NELL2: variants seen among roughly 807,000 people sequenced by gnomAD.
NELL2 encodes protein kinase C-binding protein NELL2.
A neutral mutation model predicts 109.6 loss-of-function variants in NELL2; 41 were observed. The observed-to-expected ratio is 0.37, with a 90% CI of 0.29 to 0.49. The LOEUF is 0.49. NELL2 is among the 20% of genes least tolerant of loss of function. The pLI is 0.98. For synonymous variants in NELL2, 355 were observed against 344.7 expected, an observed-to-expected ratio of 1.03 and a Z score of -0.33; for missense variants, 900 against 1,008.3, an observed-to-expected ratio of 0.89 and a Z score of 1.45.
At chr12:44,547,784 C>A (rs138036458) in intron 15 of NELL2, among the ~76,000 whole-genome samples, 43 of 152,290 alleles carry the variant, frequency 2.8e-4, no homozygotes, top group African/African-American at 8.9e-4. Flanking sequence ...CCCTTCCCTG[C>A]ACATGAACTG....
chr12:44,754,070 G>A (rs1421671582), intron 9 of NELL2, among the ~76,000 whole-genome samples: 1 of 152,188 alleles, frequency 6.6e-6, no homozygotes, highest in African/African-American at 2.4e-5. Context: ...ATGGTATCAA[G>A]TGAAGAATTA....
At chr12:44,584,932 T>TCA (rs1472318715) in intron 15 of NELL2, among the ~76,000 whole-genome samples, 1 of 152,218 alleles carries the variant, frequency 6.6e-6, no homozygotes. Context: ...TCCATGATCA[T>TCA]CACATTGTAC....
chr12:44,766,018 G>A (rs11182656), intron 9 of NELL2, among the ~76,000 whole-genome samples: 54,612 of 151,648 alleles, frequency 0.36, 11,140 homozygotes, highest in Non-Finnish European at 0.47. Context: ...TACAGGAGGT[G>A]GAGGCTGCAG....
chr12:44,871,047 C>T (rs866915141), intron 2 of NELL2, among the ~76,000 whole-genome samples: 2 of 152,120 alleles, frequency 1.3e-5, no homozygotes, highest in African/African-American at 2.4e-5. Flanking sequence ...GTTTCTACTT[C>T]TCTAGACTTC....
In NELL2 at chr12:44,892,690, C is replaced by G. The variant is rs944966185; in HGVS notation, c.39-16790G>C. The stretch of plus-strand genomic sequence containing the variant: ...GTGGGCGCCTGTACTCCCAGCTACT[C>G]GGGAGGCTGAGGCAGGAGAATGGCG... On this transcript the variant is annotated intron_variant, in intron 1 of 20. Coordinates refer to the NELL2 transcript ENST00000333837. Among the ~76,000 whole-genome samples the G allele has an allele frequency of 2.0e-5, 3 of 147,674 alleles. No individual in the cohort carries two copies. In the South Asian group the frequency reaches 6.6e-4, roughly 32 times the overall value.
intron 13 of NELL2, among the ~76,000 whole-genome samples, chr12:44,627,858 T>A (rs1334179930): frequency 6.6e-6 from 1 of 152,238 alleles, no homozygotes; most frequent in Non-Finnish European, 1.5e-5. Context: ...CAGAATTGTA[T>A]TAGCAACCAG....
chr12:44,687,250 C>CGCGT (rs1327339967), intron 12 of NELL2, among the ~76,000 whole-genome samples: 2 of 152,178 alleles, frequency 1.3e-5, no homozygotes, highest in Admixed American at 6.5e-5. Context: ...GGCAATGCCG[C>CGCGT]GCCCTGCTTT....
At chr12:44,633,751 T>TCATATCAC (rs1244035406) in intron 13 of NELL2, among the ~76,000 whole-genome samples, 1 of 152,162 alleles carries the variant, frequency 6.6e-6, no homozygotes. Flanking sequence ...AACACATTGT[T>TCATATCAC]AAGTACTTGA....
intron 19 of NELL2, among the ~76,000 whole-genome samples, chr12:44,512,950 T>TTA (rs1941067617): frequency 6.6e-6 from 1 of 151,992 alleles, no homozygotes; most frequent in African/African-American, 2.4e-5. Context: ...TGTTCAGAAA[T>TTA]CTAGAAGAAA....
At position 44,809,482 on chromosome 12, in the gene NELL2, G is replaced by GT. The variant is rs1317983547; in HGVS notation, c.335+6503dup. 7.9e-5 allele frequency among the ~76,000 whole-genome samples: 12 copies of GT among 151,898 alleles called. 1 individual carries two copies. Among genetic ancestry groups the GT allele is most frequent in the Admixed American group, 3.3e-4 (5 of 15,236 alleles). On this transcript the variant is annotated intron_variant, in intron 3 of 19. Transcript: ENST00000429094. ...AACAACTGCCATATATTACTGTCTG[G>GT]TTTTTTTTAGGTTATGCTGCTGATG...
At chr12:44,902,642 A>T (rs1048298514) in intron 1 of NELL2, among the ~76,000 whole-genome samples, 1 of 152,214 alleles carries the variant, frequency 6.6e-6, no homozygotes, top group African/African-American at 2.4e-5. Context: ...AAGCTACCTG[A>T]CTTCAAACTA....
intron 15 of NELL2, among the ~76,000 whole-genome samples, chr12:44,583,224 A>G (rs1023003766): frequency 6.6e-6 from 1 of 152,222 alleles, no homozygotes; most frequent in African/African-American, 2.4e-5. Context: ...AATGAATGAA[A>G]GTTGACAAGG....
chr12:44,815,012 G>A (rs1165512234), intron 3 of NELL2, among the ~76,000 whole-genome samples: 1 of 152,142 alleles, frequency 6.6e-6, no homozygotes, highest in Non-Finnish European at 1.5e-5. Flanking sequence ...ATTTACAGAT[G>A]AGGAAATTGA....
intron 12 of NELL2, among the ~76,000 whole-genome samples, chr12:44,698,931 T>C (rs1949139844): frequency 1.3e-5 from 2 of 152,164 alleles, no homozygotes; most frequent in South Asian, 4.1e-4. Context: ...CCAGCAACTA[T>C]TATGCACTGA....
intron 12 of NELL2, among the ~76,000 whole-genome samples, chr12:44,680,135 C>T (rs554635362): frequency 1.3e-5 from 2 of 152,072 alleles, no homozygotes; most frequent in Non-Finnish European, 1.5e-5. Context: ...GGATTGCAGT[C>T]ATAAAATTAC....
intron 15 of NELL2, among the ~76,000 whole-genome samples, chr12:44,564,616 C>T (rs1183810107): frequency 6.6e-6 from 1 of 152,156 alleles, no homozygotes; most frequent in Admixed American, 6.5e-5. Flanking sequence ...CACATACAAA[C>T]ATGTAATGCA....
At chr12:44,864,014 G>A (rs1414689297) in intron 2 of NELL2, among the ~76,000 whole-genome samples, 1 of 152,004 alleles carries the variant, frequency 6.6e-6, no homozygotes, top group Non-Finnish European at 1.5e-5. Context: ...ACTACAAAAT[G>A]TTTTACGTAA....
chr12:44,518,704 G>T (rs1941390922), intron 19 of NELL2, among the ~76,000 whole-genome samples: 1 of 152,136 alleles, frequency 6.6e-6, no homozygotes, highest in Admixed American at 6.5e-5. Flanking sequence ...TAATCTCACA[G>T]AAAGATTAAG....
chr12:44,897,527 C>T (rs554622689), intron 1 of NELL2, among the ~76,000 whole-genome samples: 1 of 152,212 alleles, frequency 6.6e-6, no homozygotes, highest in Admixed American at 6.5e-5. Flanking sequence ...TTGGGGAACT[C>T]CCTCTCCTAG....
Sources: gnomAD v4.1 joint callset for allele counts (sites outside exome capture counted in the v4.1 genomes callset) on GRCh38, gnomAD v4.1.1 for gene constraint, MANE v1.5 for transcripts, NCBI Gene and HGNC (gene_info 2026-07-23, HGNC 2026-07-21) for gene names.